The following SPATA45 variants were observed in gnomAD, a reference collection of about 807,000 sequenced individuals.
The protein encoded by SPATA45 is spermatogenesis-associated protein 45.
SPATA45 carries 5 observed loss-of-function variants against 7.0 expected under a neutral mutation model. The ratio of observed to expected loss-of-function variants is 0.71; its 90% confidence interval spans 0.37 to 1.50. SPATA45 has a LOEUF of 1.50. SPATA45 is among the 40% of genes most tolerant of loss of function. The pLI is 0.03. For missense variants in SPATA45, 111 were observed against 114.9 expected (o/e 0.97, Z 0.16); for synonymous variants, 40 against 38.7 (o/e 1.03, Z -0.13).
intron 1 of SPATA45, among the ~76,000 whole-genome samples, chr1:212,841,963 G>T (rs1040604079): frequency 6.6e-6 from 1 of 151,832 alleles, no homozygotes; most frequent in South Asian, 2.1e-4. Context: ...TTTTCACCAT[G>T]TTGGCCAGGC....
chr1:212,833,413 C>T (rs969025293), intron 2 of SPATA45, among the ~76,000 whole-genome samples: 4 of 149,706 alleles, frequency 2.7e-5, no homozygotes, highest in Non-Finnish European at 5.9e-5. Context: ...AATCCCAGCA[C>T]TTTGGGAGGC....
At chr1:212,835,262 G>A (rs1663566685) in intron 2 of SPATA45, among the ~76,000 whole-genome samples, 1 of 151,534 alleles carries the variant, frequency 6.6e-6, no homozygotes. Flanking sequence ...GGTGGCTCAC[G>A]CCTGTAATCC....
chr1:212,843,153 G>A lies in SPATA45; in HGVS notation c.-39+4427C>T, dbSNP rs186152956. Among the ~76,000 whole-genome samples, 54 of 149,226 alleles carry A rather than the reference G, an allele frequency of 3.6e-4. No homozygotes were observed. In the East Asian group the frequency reaches 9.4e-3, roughly 26 times the overall value. On this transcript the variant is annotated intron_variant, in intron 1 of 2. Coordinates refer to ENST00000332912, the MANE Select transcript of SPATA45 (RefSeq NM_001024601.3). ...CACACACACACACTTAGCTGGGCGC[G>A]GTGGCACATGCCTGTAATCCCAGCT...
At chr1:212,843,438 C>T (rs1200799046) in intron 1 of SPATA45, among the ~76,000 whole-genome samples, 2 of 152,174 alleles carry the variant, frequency 1.3e-5, no homozygotes, top group African/African-American at 2.4e-5. Context: ...TAAATAGGCA[C>T]TTTAAAAAAA....
chr1:212,836,060 T>G lies in SPATA45; in HGVS notation c.90A>C (p.Glu30Asp), dbSNP rs780939746. 3.7e-6 allele frequency: 6 copies of G among 1,610,690 alleles called. No homozygotes were observed. The Middle Eastern group carries it at 6.6e-4, about 178-fold the overall frequency. Reference sequence around the variant, plus strand: ...TGCTTCGTTCCACCAAGCAGTTGGATTCACGCTTTTTGTTTATCTCCTCCA... The same window carrying G: ...TGCTTCGTTCCACCAAGCAGTTGGAGTCACGCTTTTTGTTTATCTCCTCCA... ...HLLEEINKKRESNCLVERSNQ... is the reference protein window; with the variant it reads ...HLLEEINKKRDSNCLVERSNQ... Residue 30 changes from glutamate (E) to aspartate (D), a missense_variant, in exon 2 of 3, where the codon GAA becomes GAC. Physicochemically the swap from Glu to Asp is conservative, Grantham distance 45. Transcript: ENST00000332912.
chr1:212,846,518 T>C (rs1224856618), intron 1 of SPATA45, among the ~76,000 whole-genome samples: 1 of 152,182 alleles, frequency 6.6e-6, no homozygotes, highest in African/African-American at 2.4e-5. Context: ...ACCACTGTGA[T>C]TTGTTCCTGC....
At chr1:212,831,614 A>G (rs1663488901) in intron 2 of SPATA45, among the ~76,000 whole-genome samples, 1 of 151,494 alleles carries the variant, frequency 6.6e-6, no homozygotes, top group Admixed American at 6.6e-5. Flanking sequence ...CAAGTGGAAG[A>G]TTGAAAAGAG....
intron 2 of SPATA45, 102 bp from the exon 3 acceptor site, chr1:212,830,363 G>A (rs1663461446): frequency 1.5e-6 from 1 of 689,188 alleles, no homozygotes; most frequent in Non-Finnish European, 2.4e-6. Flanking sequence ...TTCAGATACA[G>A]GAACTAAGGT....
intron 1 of SPATA45, among the ~76,000 whole-genome samples, chr1:212,838,350 T>C (rs1663624492): frequency 1.3e-5 from 2 of 148,806 alleles, no homozygotes; most frequent in Non-Finnish European, 3.0e-5. Flanking sequence ...ACTAGGAAAG[T>C]GTAAATCAAT....
At chr1:212,843,290 CA>C (rs112677077) in intron 1 of SPATA45, among the ~76,000 whole-genome samples, 80 of 133,288 alleles carry the variant, frequency 6.0e-4, no homozygotes, top group Admixed American at 6.9e-4. Flanking sequence ...CACTCCATCT[CA>C]AAAAAAAAAA....
intron 1 of SPATA45, among the ~76,000 whole-genome samples, chr1:212,841,375 G>T (rs1663680763): frequency 6.6e-6 from 1 of 152,086 alleles, no homozygotes; most frequent in South Asian, 2.1e-4. Context: ...TGTTGCCCAG[G>T]CTGGGCTGAA....
At chr1:212,843,218 C>T (rs10746437) in intron 1 of SPATA45, among the ~76,000 whole-genome samples, 3 of 150,244 alleles carry the variant, frequency 2.0e-5, no homozygotes, top group South Asian at 4.2e-4. Flanking sequence ...TGAACTCCAG[C>T]GGCAGAGGTT....
chr1:212,841,813 A>G (rs1663690935), intron 1 of SPATA45, among the ~76,000 whole-genome samples: 1 of 152,070 alleles, frequency 6.6e-6, no homozygotes, highest in African/African-American at 2.4e-5. Flanking sequence ...GCTGGAGTGC[A>G]GTGGCGTGAT....
chr1:212,839,841 G>A (rs1251344343), intron 1 of SPATA45, among the ~76,000 whole-genome samples: 6 of 151,646 alleles, frequency 4.0e-5, no homozygotes, highest in Middle Eastern at 3.4e-3. Context: ...TTTAAACATG[G>A]ACAGTTCATT....
At chr1:212,842,932 CAA>C (rs35856086) in intron 1 of SPATA45, among the ~76,000 whole-genome samples, 2 of 136,780 alleles carry the variant, frequency 1.5e-5, no homozygotes, top group African/African-American at 5.6e-5. Context: ...ACTAAAAATA[CAA>C]AAAAAAAAAA....
At chr1:212,831,833 A>C (rs1417451356) in intron 2 of SPATA45, among the ~76,000 whole-genome samples, 1 of 150,930 alleles carries the variant, frequency 6.6e-6, no homozygotes, top group Non-Finnish European at 1.5e-5. Flanking sequence ...CCCTGTTTAC[A>C]CTGGACTCCT....
chr1:212,831,457 A>G (rs11120039), intron 2 of SPATA45, among the ~76,000 whole-genome samples: 68,483 of 147,322 alleles, frequency 0.46, 17,062 homozygotes, highest in Non-Finnish European at 0.53. Context: ...CCAGTGACAG[A>G]GCAAGACTCT....
In SPATA45 at chr1:212,842,662, C is replaced by A. The variant is rs1663708253; in HGVS notation, c.-39+4918G>T. 3.9e-5 allele frequency among the ~76,000 whole-genome samples: 6 copies of A among 152,110 alleles called. No individual in the cohort carries two copies. In the South Asian group the frequency reaches 1.2e-3, roughly 32 times the overall value. The stretch of plus-strand genomic sequence containing the variant: ...ACTTACCTTCTCTGGGCCTCAGTTT[C>A]CTGATGTGTTAAATGAAAATAATAT... On this transcript the variant is annotated intron_variant, in intron 1 of 2. Coordinates refer to ENST00000332912, the MANE Select transcript of SPATA45 (RefSeq NM_001024601.3).
rs1253235389 is a variant in SPATA45, at chr1:212,835,948, G to T, written c.202C>A (p.Pro68Thr). Residue 68 changes from proline to threonine, a missense_variant, in exon 2 of 3, where the codon CCC becomes ACC. Physicochemically the swap from Pro to Thr is conservative, Grantham distance 38 (BLOSUM62 -1). Coordinates refer to ENST00000332912, the MANE Select transcript of SPATA45 (RefSeq NM_001024601.3). The stretch of plus-strand genomic sequence containing the variant: ...ATCCAGGAGCTCCTGCCACTGTTGG[G>T]AACAGGCTCTTTGGTTGTGGTATCA... ...FTDTTTKEPV[P>T]NSGRSSWIKL... The T allele has an allele frequency of 6.2e-7, 1 of 1,610,368 alleles. No homozygotes were observed. The highest frequency in any genetic ancestry group is 8.5e-7 in the Non-Finnish European group (1 of 1,177,148).
Sources: gnomAD v4.1 joint callset for allele counts (sites outside exome capture counted in the v4.1 genomes callset) on GRCh38, gnomAD v4.1.1 for gene constraint, MANE v1.5 for transcripts, NCBI Gene and HGNC (gene_info 2026-07-23, HGNC 2026-07-21) for gene names.